CADPS: variants seen among roughly 807,000 people sequenced by gnomAD.
The protein encoded by CADPS is calcium dependent secretion activator.
Under a neutral mutation model 167.3 loss-of-function variants are expected in CADPS, and 57 were observed. The observed-to-expected ratio is 0.34, with a 90% CI of 0.28 to 0.42. The LOEUF is 0.42. Among genes scored for constraint, CADPS ranks in the 20% least tolerant of loss-of-function variants. The pLI is 1.00. For missense variants in CADPS, 1,414 were observed against 1,738.1 expected, an observed-to-expected ratio of 0.81 and a Z score of 3.32; for synonymous variants, 676 against 635.3, an observed-to-expected ratio of 1.06 and a Z score of -0.96.
intron 8 of CADPS, among the ~76,000 whole-genome samples, chr3:62,573,157 C>T (rs2081593306): frequency 1.3e-5 from 2 of 152,242 alleles, no homozygotes; most frequent in South Asian, 4.1e-4. Flanking sequence ...GCTGGGCTTA[C>T]AGGCGTGAGG....
intron 6 of CADPS, among the ~76,000 whole-genome samples, chr3:62,629,159 T>C (rs2064760961): frequency 6.6e-6 from 1 of 152,160 alleles, no homozygotes; most frequent in Non-Finnish European, 1.5e-5. Flanking sequence ...AAATTCATGT[T>C]TTAAGTGTAT....
chr3:62,402,077 T>C (rs566863401), intron 29 of CADPS, among the ~76,000 whole-genome samples: 2 of 152,226 alleles, frequency 1.3e-5, no homozygotes, highest in African/African-American at 2.4e-5. Context: ...TGTAATACAC[T>C]GCTGTCTATA....
intron 15 of CADPS, 35 bp downstream of exon 15, chr3:62,516,545 T>C: frequency 6.9e-7 from 1 of 1,454,796 alleles, no homozygotes; most frequent in Non-Finnish European, 9.5e-7. Flanking sequence ...TGTCTTTTTA[T>C]ATATATGTGA....
At chr3:62,706,668 T>G (rs2082361413) in intron 3 of CADPS, among the ~76,000 whole-genome samples, 1 of 152,136 alleles carries the variant, frequency 6.6e-6, no homozygotes, top group African/African-American at 2.4e-5. Context: ...CTTGCAGAAT[T>G]AACACCCTCA....
chr3:62,673,449 A>C (rs2075879004), intron 3 of CADPS, among the ~76,000 whole-genome samples: 1 of 152,192 alleles, frequency 6.6e-6, no homozygotes, highest in South Asian at 2.1e-4. Flanking sequence ...AGAGGTGTGA[A>C]CCAATTAAAC....
chr3:62,748,103 A>G (rs1382385736), intron 3 of CADPS, among the ~76,000 whole-genome samples: 1 of 148,352 alleles, frequency 6.7e-6, no homozygotes, highest in Admixed American at 6.8e-5. Flanking sequence ...GGCGGATCAC[A>G]AGGTCAGGAG....
intron 1 of CADPS, among the ~76,000 whole-genome samples, chr3:62,819,407 C>CGT (rs3047244): frequency 0.11 from 16,442 of 143,946 alleles, 917 homozygotes; most frequent in South Asian, 0.17. Flanking sequence ...AATCTGTGTG[C>CGT]GTGTGTGTGT....
chr3:62,612,297 GAAATA>G (rs199923932), intron 6 of CADPS, among the ~76,000 whole-genome samples: 3 of 152,196 alleles, frequency 2.0e-5, no homozygotes, highest in East Asian at 3.8e-4. Context: ...GAGGTTAAAT[GAAATA>G]AAACACATAA....
chr3:62,444,141 G>T (rs1406688190), intron 27 of CADPS, among the ~76,000 whole-genome samples: 1 of 152,180 alleles, frequency 6.6e-6, no homozygotes, highest in Non-Finnish European at 1.5e-5. Flanking sequence ...ACCTGGCTGA[G>T]ATACCCCCTC....
At chr3:62,436,829 G>A (rs138166751) in intron 28 of CADPS, among the ~76,000 whole-genome samples, 233 of 151,846 alleles carry the variant, frequency 1.5e-3, no homozygotes, top group African/African-American at 5.3e-3. Context: ...GGGAAAGAGG[G>A]GTATCAAGCA....
chr3:62,416,936 G>A (rs890655956), intron 28 of CADPS, among the ~76,000 whole-genome samples: 9 of 151,976 alleles, frequency 5.9e-5, no homozygotes, highest in Admixed American at 5.2e-4. Context: ...CCAGGCTGGA[G>A]TGGAGTGGCG....
rs1052941497 is a variant in CADPS at position 62,499,145 on chromosome 3, C to G, written c.2706+17G>C. On this transcript the variant is annotated intron_variant, in intron 18 of 29. Transcript: ENST00000383710. ...GCTAAGGGACAGTAAGATACACTTCCCACCAAGCCTGCTCACCTCTGCGTG... is the reference window on the plus strand; with the variant it reads ...GCTAAGGGACAGTAAGATACACTTCGCACCAAGCCTGCTCACCTCTGCGTG... The G allele has an allele frequency of 6.5e-7, 1 of 1,533,576 alleles. No homozygotes were observed. The highest frequency in any genetic ancestry group is 1.7e-5 in the Admixed American group (1 of 59,852). The allele number at this position is 1,533,576 out of a possible 1,614,324, so 95.0% of individuals were successfully genotyped here. A position where few individuals can be genotyped will look rare whatever the true frequency, so the allele number is the denominator to read the frequency against.
At chr3:62,534,687 T>C (rs1313757466) in intron 12 of CADPS, among the ~76,000 whole-genome samples, 1 of 152,146 alleles carries the variant, frequency 6.6e-6, no homozygotes, top group Non-Finnish European at 1.5e-5. Context: ...AATTTATGTA[T>C]CCCTGCTGGT....
rs550070406 is a variant in CADPS, at chr3:62,429,849, C to T, written c.3777+8255G>A. Among the ~76,000 whole-genome samples, 269 of 152,252 alleles carry T rather than the reference C, an allele frequency of 1.8e-3. 1 individual carries two copies. The highest frequency in any genetic ancestry group is 3.2e-3 in the Non-Finnish European group (220 of 68,018). ...GAACATTCTCCTCTGGAAAGGAAAA[C>T]AAATTAACTGTCTTCACCAAATGTC... On this transcript the variant is annotated intron_variant, in intron 28 of 29. Coordinates refer to ENST00000383710, the MANE Select transcript of CADPS (RefSeq NM_003716.4).
chr3:62,523,727 G>T (rs975623675), intron 13 of CADPS, among the ~76,000 whole-genome samples: 12 of 152,128 alleles, frequency 7.9e-5, no homozygotes, highest in Non-Finnish European at 1.6e-4. Context: ...CCACTGCTCC[G>T]CATATAACCA....
chr3:62,555,965 G>C (rs2078074735), intron 10 of CADPS, among the ~76,000 whole-genome samples: 1 of 152,038 alleles, frequency 6.6e-6, no homozygotes, highest in South Asian at 2.1e-4. Flanking sequence ...TGTTGCCCAG[G>C]CTTGTCGTGA....
At chr3:62,484,878 C>A (rs891444695) in intron 21 of CADPS, among the ~76,000 whole-genome samples, 4 of 152,154 alleles carry the variant, frequency 2.6e-5, no homozygotes, top group African/African-American at 9.7e-5. Flanking sequence ...TCAGTTGTTG[C>A]ATGCATATAT....
intron 28 of CADPS, among the ~76,000 whole-genome samples, chr3:62,426,776 T>C (rs1244453912): frequency 6.6e-6 from 1 of 151,996 alleles, no homozygotes; most frequent in Non-Finnish European, 1.5e-5. Context: ...CCTTGAAAAG[T>C]TGACAGGGCG....
At chr3:62,442,764 G>A (rs889557467) in intron 27 of CADPS, among the ~76,000 whole-genome samples, 1 of 152,096 alleles carries the variant, frequency 6.6e-6, no homozygotes, top group Admixed American at 6.6e-5. Flanking sequence ...GTCACACTCT[G>A]CTTATTCACC....
Sources: gnomAD v4.1 joint callset for allele counts (sites outside exome capture counted in the v4.1 genomes callset) on GRCh38, gnomAD v4.1.1 for gene constraint, MANE v1.5 for transcripts, NCBI Gene and HGNC (gene_info 2026-07-23, HGNC 2026-07-21) for gene names.